Variants in RBPJ observed in about 807,000 individuals in gnomAD.
RBPJ encodes the protein recombining binding protein suppressor of hairless.
In RBPJ, 9 loss-of-function variants were observed where a neutral mutation model predicts 67.8. That is an observed-to-expected ratio of 0.13 (90% CI 0.08 to 0.23). The LOEUF (loss-of-function observed/expected upper bound fraction) is 0.23. Ranked by LOEUF, RBPJ falls within the 10% of genes least tolerant of loss-of-function variation. The pLI, the probability that RBPJ is intolerant of heterozygous loss-of-function variation, is 1.00. For synonymous variants in RBPJ, 198 were observed against 203.3 expected, an observed-to-expected ratio of 0.97 and a Z score of 0.22; for missense variants, 305 against 595.6, an observed-to-expected ratio of 0.51 and a Z score of 5.08.
At chr4:26,244,452 T>TATGTGTGCACATATGTGTGCAC (rs1560226681) in intron 1 of RBPJ, among the ~76,000 whole-genome samples, 2 of 11,030 alleles carry the variant, frequency 1.8e-4, no homozygotes, top group African/African-American at 3.3e-4. Context: ...TGTGTATACA[T>TATGTGTGCACATATGTGTGCAC]ATATGTGTGT....
intron 1 of RBPJ, among the ~76,000 whole-genome samples, chr4:26,385,655 T>G (rs1394756023): frequency 1.3e-5 from 2 of 152,220 alleles, no homozygotes; most frequent in African/African-American, 4.8e-5. Flanking sequence ...AGTTAAAATC[T>G]GGGAAGTCTC....
chr4:26,192,285 G>A (rs1286907810), intron 1 of RBPJ, among the ~76,000 whole-genome samples: 1 of 152,182 alleles, frequency 6.6e-6, no homozygotes, highest in East Asian at 1.9e-4. Context: ...GGGATTACAG[G>A]TGTGAGCCAC....
At chr4:26,185,831 C>T (rs533350773) in intron 1 of RBPJ, among the ~76,000 whole-genome samples, 26 of 152,182 alleles carry the variant, frequency 1.7e-4, no homozygotes, top group African/African-American at 3.1e-4. Flanking sequence ...AGGCCGAGGC[C>T]GGTGGATCAC....
At chr4:26,359,357 G>A (rs1324673217) in intron 1 of RBPJ, among the ~76,000 whole-genome samples, 2 of 149,240 alleles carry the variant, frequency 1.3e-5, no homozygotes, top group African/African-American at 4.9e-5. Flanking sequence ...GTGTTGGAAA[G>A]AAATACCCAA....
At position 26,394,061 on chromosome 4, in the gene RBPJ, C is replaced by G. The variant is rs533529497; in HGVS notation, c.59+7670C>G. 1.8e-3 allele frequency among the ~76,000 whole-genome samples: 257 copies of G among 145,572 alleles called. 2 individuals are homozygous for G. The highest frequency in any genetic ancestry group is 6.4e-3 in the African/African-American group (251 of 39,378). ...TTTTTTTTGAGAATGGAGTCTCACT[C>G]TGTTGCCCAGGCTGGAGTGCAGTGG... is the stretch of plus-strand genomic sequence containing the variant. On this transcript the variant is annotated intron_variant, in intron 2 of 10. Coordinates refer to ENST00000355476, the MANE Select transcript of RBPJ (RefSeq NM_015874.6).
At chr4:26,301,235 C>G (rs1722064157) in intron 1 of RBPJ, among the ~76,000 whole-genome samples, 1 of 152,082 alleles carries the variant, frequency 6.6e-6, no homozygotes, top group South Asian at 2.1e-4. Flanking sequence ...AAGATCTGAC[C>G]CATCCTCCTG....
At chr4:26,346,546 A>G (rs73809422) in intron 1 of RBPJ, among the ~76,000 whole-genome samples, 1 of 152,212 alleles carries the variant, frequency 6.6e-6, no homozygotes, top group Non-Finnish European at 1.5e-5. Flanking sequence ...CTATGTCTGT[A>G]GCTCGATTTT....
At chr4:26,265,519 A>T (rs968402434) in intron 1 of RBPJ, among the ~76,000 whole-genome samples, 1 of 152,016 alleles carries the variant, frequency 6.6e-6, no homozygotes, top group African/African-American at 2.4e-5. Context: ...AGTCTCAAAA[A>T]AAGAAAAAAA....
intron 1 of RBPJ, among the ~76,000 whole-genome samples, chr4:26,233,472 T>C (rs1719354675): frequency 6.6e-6 from 1 of 152,250 alleles, no homozygotes; most frequent in East Asian, 1.9e-4. Flanking sequence ...CCCCAGTCTC[T>C]TCAGTTTCGT....
intron 2 of RBPJ, among the ~76,000 whole-genome samples, chr4:26,394,128 G>A (rs1044531039): frequency 4.6e-5 from 7 of 151,408 alleles, no homozygotes; most frequent in Admixed American, 2.6e-4. Context: ...CCGGGTTCGC[G>A]CCATTCTCCT....
intron 1 of RBPJ, among the ~76,000 whole-genome samples, chr4:26,271,062 GC>G (rs1433479933): frequency 1.3e-5 from 2 of 151,948 alleles, no homozygotes; most frequent in Non-Finnish European, 2.9e-5. Context: ...CTCTTTCTGT[GC>G]CTAATTTATT....
At chr4:26,382,291 A>G (rs1254712701) in intron 1 of RBPJ, among the ~76,000 whole-genome samples, 4 of 152,228 alleles carry the variant, frequency 2.6e-5, no homozygotes, top group South Asian at 2.1e-4. Context: ...ATTATAATCA[A>G]TCTGTGAGTA....
chr4:26,125,386 GT>G, the RBPJ span, among the ~76,000 whole-genome samples: 1 of 152,216 alleles, frequency 6.6e-6, no homozygotes. Context: ...ACTGAGGAAT[GT>G]TTTTATGTAT....
chr4:26,217,781 C>T (rs1388162156), intron 1 of RBPJ, among the ~76,000 whole-genome samples: 3 of 152,176 alleles, frequency 2.0e-5, no homozygotes, highest in Non-Finnish European at 4.4e-5. Context: ...TCTAAATTCC[C>T]TCCCAAGATC....
chr4:26,266,572 A>T (rs1208093099), intron 1 of RBPJ, among the ~76,000 whole-genome samples: 2 of 152,138 alleles, frequency 1.3e-5, no homozygotes, highest in African/African-American at 4.8e-5. Flanking sequence ...TAGGGAGGGC[A>T]CTTCTTACAT....
intron 1 of RBPJ, among the ~76,000 whole-genome samples, chr4:26,214,904 GA>G (rs1481255998): frequency 2.6e-5 from 2 of 77,712 alleles, no homozygotes; most frequent in Non-Finnish European, 5.3e-5. Context: ...AAGAGAAAAA[GA>G]AAGAAAAAAG....
chr4:26,117,777 A>G, the RBPJ span, among the ~76,000 whole-genome samples: 1 of 152,204 alleles, frequency 6.6e-6, no homozygotes, highest in African/African-American at 2.4e-5. Context: ...ACAAGTCAAT[A>G]CACATAAAAC....
At chr4:26,189,233 CAT>C (rs1218822011) in intron 1 of RBPJ, among the ~76,000 whole-genome samples, 1 of 152,104 alleles carries the variant, frequency 6.6e-6, no homozygotes, top group African/African-American at 2.4e-5. Flanking sequence ...AAAAACAAAT[CAT>C]AAATAATTTT....
intron 3 of RBPJ, among the ~76,000 whole-genome samples, chr4:26,411,874 G>A (rs13127227): frequency 1.3e-4 from 19 of 151,774 alleles, no homozygotes; most frequent in Middle Eastern, 3.4e-3. Context: ...TTGGGAGGCC[G>A]AGGCGGGCGG....
Sources: gnomAD v4.1 joint callset for allele counts (sites outside exome capture counted in the v4.1 genomes callset) on GRCh38, gnomAD v4.1.1 for gene constraint, MANE v1.5 for transcripts, NCBI Gene and HGNC (gene_info 2026-07-23, HGNC 2026-07-21) for gene names.